SGCZ: variants seen among roughly 807,000 people sequenced by gnomAD.
The protein encoded by SGCZ is zeta-sarcoglycan.
A neutral mutation model predicts 41.3 loss-of-function variants in SGCZ; 40 were observed. That is an observed-to-expected ratio of 0.97 (90% CI 0.75 to 1.26). The LOEUF (loss-of-function observed/expected upper bound fraction) is 1.26, where lower values mean the gene tolerates loss of function less well. Ranked by LOEUF, SGCZ falls within the 50% of genes most tolerant of loss-of-function variation. The pLI is 0.00. For missense variants in SGCZ, 552 were observed against 369.8 expected (o/e 1.49, Z -4.04); for synonymous variants, 206 against 137.5 (o/e 1.50, Z -3.49).
chr8:14,544,207 T>C (rs1379402361), intron 2 of SGCZ, among the ~76,000 whole-genome samples: 1 of 152,184 alleles, frequency 6.6e-6, no homozygotes, highest in African/African-American at 2.4e-5. Context: ...AATTTTATAA[T>C]TTCTTATGCC....
chr8:14,690,981 A>G (rs1808781894), intron 1 of SGCZ, among the ~76,000 whole-genome samples: 1 of 152,176 alleles, frequency 6.6e-6, no homozygotes, highest in South Asian at 2.1e-4. Context: ...TGTCCAGGTG[A>G]ACATAAGCTT....
chr8:14,797,546 AT>A (rs1255208836), intron 1 of SGCZ, among the ~76,000 whole-genome samples: 3 of 152,204 alleles, frequency 2.0e-5, no homozygotes, highest in Non-Finnish European at 2.9e-5. Flanking sequence ...GGATGGGAAA[AT>A]TTACAGCCTG....
intron 4 of SGCZ, 108 bp downstream of exon 4, chr8:14,237,484 A>G (rs867091271): frequency 1.1e-6 from 1 of 889,994 alleles, no homozygotes; most frequent in Middle Eastern, 2.3e-4. Context: ...CTCTGTCTCA[A>G]AACAACAACA....
chr8:14,405,058 C>T (rs1002714143), intron 2 of SGCZ, among the ~76,000 whole-genome samples: 3 of 152,152 alleles, frequency 2.0e-5, no homozygotes, highest in Admixed American at 1.3e-4. Context: ...TCCATGTGGC[C>T]CTTGCTCCTG....
chr8:14,132,958 T>G (rs1803086687), intron 5 of SGCZ, among the ~76,000 whole-genome samples: 1 of 152,200 alleles, frequency 6.6e-6, no homozygotes, highest in South Asian at 2.1e-4. Context: ...TTCCTTGTGC[T>G]CAGCTAGTGT....
intron 3 of SGCZ, among the ~76,000 whole-genome samples, chr8:14,312,499 A>C (rs915285561): frequency 6.6e-6 from 1 of 152,094 alleles, no homozygotes; most frequent in Non-Finnish European, 1.5e-5. Context: ...GGTGCTTGTA[A>C]TCCTAGCTAC....
At chr8:14,271,980 T>G (rs961220679) in intron 3 of SGCZ, among the ~76,000 whole-genome samples, 10 of 152,170 alleles carry the variant, frequency 6.6e-5, no homozygotes, top group Non-Finnish European at 1.5e-4. Context: ...ATATATTGCA[T>G]GCTTTCATTC....
chr8:14,136,292 G>C (rs938245037), intron 5 of SGCZ, among the ~76,000 whole-genome samples: 1 of 152,106 alleles, frequency 6.6e-6, no homozygotes, highest in Non-Finnish European at 1.5e-5. Flanking sequence ...AATCTCACTG[G>C]GACTGCGTGG....
At position 14,402,830 on chromosome 8, in the gene SGCZ, G is replaced by T. The variant is rs1481880211; in HGVS notation, c.235-78626C>A. Among the ~76,000 whole-genome samples, 73 of 147,742 alleles carry T rather than the reference G, an allele frequency of 4.9e-4. 1 individual carries two copies. The highest frequency in any genetic ancestry group is 1.8e-3 in the African/African-American group (67 of 37,398). ...GTTTTTTCCAATTCTGTGAAGAAAG[G>T]CATTGGTAGCTTGATGGGGATGGCA... On this transcript the variant is annotated intron_variant, in intron 2 of 7. Coordinates refer to ENST00000382080, the MANE Select transcript of SGCZ (RefSeq NM_139167.4).
At chr8:14,737,751 G>C (rs1347446873) in intron 1 of SGCZ, among the ~76,000 whole-genome samples, 1 of 151,976 alleles carries the variant, frequency 6.6e-6, no homozygotes, top group African/African-American at 2.4e-5. Context: ...TTGGATTCGA[G>C]CCTGTGCTAA....
chr8:14,312,249 A>G (rs1267281432), intron 3 of SGCZ, among the ~76,000 whole-genome samples: 3 of 152,196 alleles, frequency 2.0e-5, no homozygotes, highest in Non-Finnish European at 4.4e-5. Context: ...CAAATTCAAA[A>G]AAGATTGAAA....
At chr8:14,304,552 A>T (rs1801291691) in intron 3 of SGCZ, among the ~76,000 whole-genome samples, 3 of 152,180 alleles carry the variant, frequency 2.0e-5, no homozygotes, top group Admixed American at 1.3e-4. Context: ...ATCATCATGC[A>T]ACTGCAATCC....
intron 2 of SGCZ, among the ~76,000 whole-genome samples, chr8:14,455,218 C>A (rs1800707287): frequency 6.6e-6 from 1 of 151,968 alleles, no homozygotes; most frequent in African/African-American, 2.4e-5. Context: ...GAAAACCAAA[C>A]ATGATCAGAC....
chr8:14,958,680 C>T (rs545504023), intron 1 of SGCZ, among the ~76,000 whole-genome samples: 8 of 151,992 alleles, frequency 5.3e-5, no homozygotes, highest in Non-Finnish European at 1.2e-4. Context: ...AGAAAATTTA[C>T]ACTTTAGATT....
chr8:14,693,304 T>C (rs1320521357), intron 1 of SGCZ, among the ~76,000 whole-genome samples: 1 of 151,740 alleles, frequency 6.6e-6, no homozygotes, highest in Admixed American at 6.6e-5. Flanking sequence ...TTTTTTTTTT[T>C]TCCCCCAGAT....
At position 14,982,621 on chromosome 8, in the gene SGCZ, G is replaced by C. The variant is rs115010201; in HGVS notation, c.39+254964C>G. Among the ~76,000 whole-genome samples the C allele has an allele frequency of 3.5e-3, 530 of 152,216 alleles. 1 individual carries two copies. The highest frequency in any genetic ancestry group is 0.012 in the African/African-American group (493 of 41,530). On this transcript the variant is annotated intron_variant, in intron 1 of 7. Coordinates refer to ENST00000382080, the MANE Select transcript of SGCZ (RefSeq NM_139167.4). Reference sequence around the variant, plus strand: ...GTACTTCCTACCCTATTTAACTTCTGAGACTATTGTAAATGAACTAAATCG... The same window carrying C: ...GTACTTCCTACCCTATTTAACTTCTCAGACTATTGTAAATGAACTAAATCG...
At chr8:14,432,975 C>G (rs1237102549) in intron 2 of SGCZ, among the ~76,000 whole-genome samples, 1 of 149,132 alleles carries the variant, frequency 6.7e-6, no homozygotes, top group Non-Finnish European at 1.5e-5. Context: ...CACCTGTTCT[C>G]CAATAACCTA....
intron 1 of SGCZ, among the ~76,000 whole-genome samples, chr8:15,224,186 G>A (rs1294580124): frequency 6.6e-6 from 1 of 152,042 alleles, no homozygotes; most frequent in Non-Finnish European, 1.5e-5. Flanking sequence ...CAGTATGGTA[G>A]TTCTTACATA....
At chr8:14,297,764 A>G (rs1202952773) in intron 3 of SGCZ, among the ~76,000 whole-genome samples, 1 of 152,122 alleles carries the variant, frequency 6.6e-6, no homozygotes, top group Non-Finnish European at 1.5e-5. Context: ...AAGAAAGCTC[A>G]GTTGGTAATT....
Sources: gnomAD v4.1 joint callset for allele counts (sites outside exome capture counted in the v4.1 genomes callset) on GRCh38, gnomAD v4.1.1 for gene constraint, MANE v1.5 for transcripts, NCBI Gene and HGNC (gene_info 2026-07-23, HGNC 2026-07-21) for gene names.